TACR3: variants seen among roughly 807,000 people sequenced by gnomAD.
The protein encoded by TACR3 is tachykinin receptor 3, also known as neuromedin-K receptor.
Under a neutral mutation model 35.0 loss-of-function variants are expected in TACR3, and 34 were observed. That is an observed-to-expected ratio of 0.97 (90% CI 0.74 to 1.30). The LOEUF (loss-of-function observed/expected upper bound fraction) is 1.30. Ranked by LOEUF, TACR3 falls within the 50% of genes most tolerant of loss-of-function variation. TACR3 has a pLI of 0.00. For synonymous variants in TACR3, 233 were observed against 221.1 expected, an observed-to-expected ratio of 1.05 and a Z score of -0.48; for missense variants, 558 against 591.7, an observed-to-expected ratio of 0.94 and a Z score of 0.59.
At chr4:103,703,879 T>A (rs1722721676) in intron 1 of TACR3, among the ~76,000 whole-genome samples, 1 of 151,654 alleles carries the variant, frequency 6.6e-6, no homozygotes, top group African/African-American at 2.4e-5. Context: ...GGTGGGCGGA[T>A]CACGAGGTCA....
At chr4:103,707,787 T>C (rs1220638621) in intron 1 of TACR3, among the ~76,000 whole-genome samples, 1 of 152,054 alleles carries the variant, frequency 6.6e-6, no homozygotes, top group East Asian at 1.9e-4. Context: ...CATGGAAAAT[T>C]GGGTCACTCC....
chr4:103,602,717 C>T (rs548914175), intron 3 of TACR3, among the ~76,000 whole-genome samples: 16 of 152,244 alleles, frequency 1.1e-4, no homozygotes, highest in East Asian at 5.8e-4. Flanking sequence ...ATTGGTGAAC[C>T]GCAGATGCTG....
intron 3 of TACR3, among the ~76,000 whole-genome samples, chr4:103,646,464 T>G (rs1725456929): frequency 6.6e-6 from 1 of 152,042 alleles, no homozygotes; most frequent in Admixed American, 6.6e-5. Context: ...ATAATTATAA[T>G]CATTTAAATA....
intron 1 of TACR3, among the ~76,000 whole-genome samples, chr4:103,701,856 G>A (rs1489756725): frequency 1.3e-5 from 2 of 152,126 alleles, no homozygotes; most frequent in Admixed American, 6.5e-5. Flanking sequence ...TATGTAGAAA[G>A]CTGAAACTGG....
intron 1 of TACR3, among the ~76,000 whole-genome samples, chr4:103,703,599 G>A (rs918781791): frequency 3.9e-5 from 6 of 152,026 alleles, no homozygotes; most frequent in African/African-American, 1.4e-4. Context: ...ATGAAGTGGT[G>A]GAGCTGCAAA....
At chr4:103,604,503 C>A (rs141633759) in intron 3 of TACR3, among the ~76,000 whole-genome samples, 1 of 152,110 alleles carries the variant, frequency 6.6e-6, no homozygotes, top group Non-Finnish European at 1.5e-5. Context: ...GATTAAAACA[C>A]CAAAAGCAAT....
chr4:103,662,217 G>GGTTT lies in TACR3; in HGVS notation c.549-3815_549-3814insAAAC, dbSNP rs1553972885. ...TGTGAAAAACTCCTATGTTGATGGT[G>GGTTT]TTTTTTTTTTTTTTTTTTTTGAGAC... On this transcript the variant is annotated intron_variant, in intron 1 of 4. Coordinates refer to ENST00000304883, the MANE Select transcript of TACR3 (RefSeq NM_001059.3). Among the ~76,000 whole-genome samples the GGTTT allele has an allele frequency of 2.7e-4, 23 of 86,250 alleles. 3 individuals carry two copies. Among genetic ancestry groups the GGTTT allele is most frequent in the African/African-American group, 5.1e-4 (10 of 19,560 alleles). 56.6% of individuals were successfully genotyped at this position (86,250 alleles called of 152,430 possible). A position where few individuals can be genotyped will look rare whatever the true frequency, so the allele number is the denominator to read the frequency against.
intron 3 of TACR3, among the ~76,000 whole-genome samples, chr4:103,652,253 A>T (rs1240674542): frequency 6.6e-6 from 1 of 152,064 alleles, no homozygotes; most frequent in African/African-American, 2.4e-5. Context: ...GGCGTGGGAG[A>T]ACTCAACTTC....
At chr4:103,664,948 T>C (rs1400304776) in intron 1 of TACR3, among the ~76,000 whole-genome samples, 1 of 150,980 alleles carries the variant, frequency 6.6e-6, no homozygotes, top group Non-Finnish European at 1.5e-5. Flanking sequence ...TAGCTGAGAC[T>C]ACAGGTGCAT....
intron 1 of TACR3, among the ~76,000 whole-genome samples, chr4:103,679,839 T>C (rs1227439607): frequency 6.6e-6 from 1 of 151,862 alleles, no homozygotes; most frequent in Non-Finnish European, 1.5e-5. Context: ...GGATATCAAT[T>C]ATCTCTAACA....
Position 103,591,564 on chromosome 4 carries a change from C to T in TACR3, c.1008G>A (p.Gln336=). The T allele has an allele frequency of 6.2e-7, 1 of 1,613,892 alleles. No homozygotes were observed. The highest frequency in any genetic ancestry group is 8.5e-7 in the Non-Finnish European group (1 of 1,179,868). The change falls in exon 4 of 5, where the codon CAG becomes CAA. Residue 336 remains glutamine, a synonymous_variant. Coordinates refer to ENST00000304883, the MANE Select transcript of TACR3 (RefSeq NM_001059.3). ...QQLNRWKYIQ[Q]VYLASFWLAM... The stretch of plus-strand genomic sequence containing the variant: ...CCAGCCAAAAGCTAGCCAGGTAGAC[C>T]TGCTGGATGTATTTCCATCTATTTA...
chr4:103,719,562 C>A lies in TACR3; in HGVS notation c.114G>T (p.Glu38Asp), dbSNP rs886058977. 1.6e-5 allele frequency: 25 copies of A among 1,608,852 alleles called. No homozygotes were observed. Among genetic ancestry groups the A allele is most frequent in the Non-Finnish European group, 2.0e-5 (24 of 1,176,454 alleles). ...LAAGAATGAV[E>D]TGWLQLLDQA... ...GGTCCAGCAGTTGCAGCCACCCAGT[C>A]TCAACTGCCCCCGTGGCCGCCCCGG... Residue 38 changes from glutamate (E) to aspartate (D), a missense_variant, in exon 1 of 5, where the codon GAG (glutamate) becomes GAT (aspartate). Transcript: ENST00000304883.
chr4:103,598,955 A>G (rs932348086), intron 3 of TACR3, among the ~76,000 whole-genome samples: 1 of 152,098 alleles, frequency 6.6e-6, no homozygotes, highest in Non-Finnish European at 1.5e-5. Context: ...TTGGTTCCAT[A>G]TGAACTTTAA....
chr4:103,713,233 C>A (rs1380473044), intron 1 of TACR3, among the ~76,000 whole-genome samples: 1 of 151,992 alleles, frequency 6.6e-6, no homozygotes, highest in African/African-American at 2.4e-5. Flanking sequence ...CCCAAATGTC[C>A]ATCAATGATA....
chr4:103,635,345 C>A (rs966860650), intron 3 of TACR3, among the ~76,000 whole-genome samples: 1 of 151,662 alleles, frequency 6.6e-6, no homozygotes. Flanking sequence ...AAGAATATAG[C>A]GACTGGAGTC....
Position 103,589,924 on chromosome 4 carries a change from C to G in TACR3, c.1156G>C (p.Glu386Gln), listed in dbSNP as rs755152764. 1.9e-6 allele frequency: 3 copies of G among 1,613,942 alleles called. No homozygotes were observed. Among genetic ancestry groups the G allele is most frequent in the African/African-American group, 1.3e-5 (1 of 75,038 alleles). Residue 386 changes from glutamate (E) to glutamine (Q), a missense_variant, in exon 5 of 5, where the codon GAG becomes CAG. Physicochemically the swap from Glu to Gln is conservative, Grantham distance 29 (BLOSUM62 2). Transcript: ENST00000304883. ...FIKVSSYDEL[E>Q]LKTTRFHPNR... The stretch of plus-strand genomic sequence containing the variant: ...GGATGAAACCTGGTGGTCTTGAGCT[C>G]TAGCTCATCATAGCTGGAAACTTTG...
intron 3 of TACR3, among the ~76,000 whole-genome samples, chr4:103,631,476 T>C (rs1290019508): frequency 6.6e-6 from 1 of 152,134 alleles, no homozygotes; most frequent in Non-Finnish European, 1.5e-5. Context: ...TATTAAAATA[T>C]TTAGTGAGCT....
chr4:103,679,253 C>T (rs1251778401), intron 1 of TACR3, among the ~76,000 whole-genome samples: 4 of 151,992 alleles, frequency 2.6e-5, no homozygotes, highest in South Asian at 2.1e-4. Flanking sequence ...TTCTTCTCTT[C>T]GAAAACAGTA....
chr4:103,654,750 T>C (rs955289749), intron 3 of TACR3, among the ~76,000 whole-genome samples: 1 of 151,738 alleles, frequency 6.6e-6, no homozygotes, highest in African/African-American at 2.4e-5. Flanking sequence ...CCAGGTACTA[T>C]AGAGAAATTA....
Sources: allele counts gnomAD v4.1 joint callset (sites outside exome capture counted in the v4.1 genomes callset), GRCh38; gene constraint gnomAD v4.1.1; transcripts MANE v1.5; gene names NCBI Gene and HGNC (gene_info 2026-07-23, HGNC 2026-07-21).